CDK5RAP2: variants seen among roughly 807,000 people sequenced by gnomAD.
The protein encoded by CDK5RAP2 is CDK5 regulatory subunit associated protein 2.
In CDK5RAP2, 147 loss-of-function variants were observed where a neutral mutation model predicts 232.9. The observed-to-expected ratio is 0.63, with a 90% CI of 0.55 to 0.72. The LOEUF (loss-of-function observed/expected upper bound fraction) is 0.72, where lower values mean the gene tolerates loss of function less well. Ranked by LOEUF, CDK5RAP2 falls within the 30% of genes least tolerant of loss-of-function variation. The pLI, the probability that CDK5RAP2 is intolerant of heterozygous loss-of-function variation, is 0.00. For synonymous variants in CDK5RAP2, 833 were observed against 833.7 expected (o/e 1.00, Z 0.01); for missense variants, 2,195 against 2,231.5 (o/e 0.98, Z 0.33).
intron 11 of CDK5RAP2, among the ~76,000 whole-genome samples, chr9:120,524,699 G>A (rs2040822948): frequency 6.6e-6 from 1 of 151,932 alleles, no homozygotes; most frequent in African/African-American, 2.4e-5. Flanking sequence ...ACAGGCTGGT[G>A]AAGATTAAAT....
intron 14 of CDK5RAP2, among the ~76,000 whole-genome samples, chr9:120,483,658 T>C (rs1282531630): frequency 1.3e-5 from 2 of 152,222 alleles, no homozygotes; most frequent in East Asian, 3.8e-4. Context: ...AGGCATGTAA[T>C]TGCCCACTTC....
intron 3 of CDK5RAP2, among the ~76,000 whole-genome samples, chr9:120,562,141 T>A (rs987679342): frequency 1.3e-4 from 20 of 152,194 alleles, no homozygotes; most frequent in African/African-American, 4.8e-4. Context: ...AACACCTTCA[T>A]CAACAGAGCT....
chr9:120,470,542 G>A (rs544768959), intron 16 of CDK5RAP2, among the ~76,000 whole-genome samples: 1 of 152,244 alleles, frequency 6.6e-6, no homozygotes, highest in Admixed American at 6.5e-5. Context: ...AGAAAATGGT[G>A]ATTTCAGTTT....
intron 18 of CDK5RAP2, among the ~76,000 whole-genome samples, chr9:120,464,425 C>T (rs1311502434): frequency 2.0e-5 from 3 of 152,172 alleles, no homozygotes; most frequent in Admixed American, 6.5e-5. Flanking sequence ...GTTTTAACAT[C>T]AATGCCTGAC....
intron 8 of CDK5RAP2, among the ~76,000 whole-genome samples, chr9:120,529,432 T>C (rs1307480763): frequency 6.6e-6 from 1 of 152,152 alleles, no homozygotes; most frequent in Non-Finnish European, 1.5e-5. Flanking sequence ...CCTGGAAAAA[T>C]GTAACAATTC....
intron 32 of CDK5RAP2, among the ~76,000 whole-genome samples, chr9:120,405,485 TC>T (rs2033369574): frequency 6.6e-6 from 1 of 152,104 alleles, no homozygotes; most frequent in Admixed American, 6.5e-5. Context: ...AGAACTGTTC[TC>T]CCTGCTTCAA....
chr9:120,428,838 C>T (rs528537772), intron 25 of CDK5RAP2, among the ~76,000 whole-genome samples: 2 of 152,322 alleles, frequency 1.3e-5, no homozygotes, highest in South Asian at 2.1e-4. Context: ...CCTTGATGAA[C>T]ATTGATGCAA....
chr9:120,519,131 A>G (rs1053610333), intron 11 of CDK5RAP2, among the ~76,000 whole-genome samples: 11 of 151,526 alleles, frequency 7.3e-5, no homozygotes, highest in African/African-American at 2.4e-4. Flanking sequence ...CCGAGATCGT[A>G]CCACTGCACT....
intron 3 of CDK5RAP2, among the ~76,000 whole-genome samples, chr9:120,555,881 A>C (rs2042210054): frequency 6.6e-6 from 1 of 152,272 alleles, no homozygotes; most frequent in African/African-American, 2.4e-5. Flanking sequence ...TATGAAACAC[A>C]CAACGTAAAT....
intron 28 of CDK5RAP2, among the ~76,000 whole-genome samples, chr9:120,412,786 G>T (rs1350921965): frequency 6.6e-6 from 1 of 152,190 alleles, no homozygotes; most frequent in Non-Finnish European, 1.5e-5. Flanking sequence ...TACGGCATCA[G>T]TTCTCCAAGG....
chr9:120,556,058 C>CA (rs1310602457), intron 3 of CDK5RAP2, among the ~76,000 whole-genome samples: 12 of 150,670 alleles, frequency 8.0e-5, no homozygotes, highest in African/African-American at 7.3e-5. Flanking sequence ...CACAAAGAAG[C>CA]AAAAAAAAGG....
chr9:120,532,837 C>G (rs1345785149), intron 7 of CDK5RAP2, among the ~76,000 whole-genome samples: 1 of 152,214 alleles, frequency 6.6e-6, no homozygotes, highest in African/African-American at 2.4e-5. Context: ...TAGCAAAGCT[C>G]TGATCCGACA....
intron 34 of CDK5RAP2, among the ~76,000 whole-genome samples, chr9:120,401,632 A>AG (rs1216639380): frequency 2.1e-4 from 31 of 149,740 alleles, no homozygotes; most frequent in East Asian, 2.0e-3. Context: ...AAAAAAAAAA[A>AG]AGAGAGAAAA....
chr9:120,455,538 C>T (rs763357409), intron 20 of CDK5RAP2, among the ~76,000 whole-genome samples: 11 of 151,890 alleles, frequency 7.2e-5, no homozygotes, highest in Admixed American at 2.0e-4. Flanking sequence ...CTCACAAATT[C>T]GAGACCAGAC....
chr9:120,484,246 T>C (rs1170523635), intron 14 of CDK5RAP2, among the ~76,000 whole-genome samples: 1 of 152,120 alleles, frequency 6.6e-6, no homozygotes, highest in Non-Finnish European at 1.5e-5. Flanking sequence ...GCAGAATAAA[T>C]TCACATTTTC....
chr9:120,568,373 G>A lies in CDK5RAP2; in HGVS notation c.143C>T (p.Ser48Leu). The stretch of plus-strand genomic sequence containing the variant: ...TCTGGTGGGAGACACTGTTTCTTCT[G>A]ACACATTTGGGAGCACTGTAAAAAG... ...GLGNGLLPNVSEETVSPTRAR... is the reference protein window; with the variant it reads ...GLGNGLLPNVLEETVSPTRAR... The change falls in exon 3 of 38, where the codon TCA becomes TTA. Residue 48 changes from serine (S) to leucine (L), a missense_variant. Physicochemically the swap from Ser to Leu is moderately radical, Grantham distance 145. Transcript: ENST00000349780. 1 of 1,613,446 alleles carries A rather than the reference G, an allele frequency of 6.2e-7. No individual in the cohort carries two copies. The highest frequency in any genetic ancestry group is 1.3e-5 in the African/African-American group (1 of 75,012).
At chr9:120,480,067 G>GA (rs2131579470) in intron 14 of CDK5RAP2, among the ~76,000 whole-genome samples, 2 of 152,210 alleles carry the variant, frequency 1.3e-5, no homozygotes, top group South Asian at 2.1e-4. Context: ...TTCAAAATAA[G>GA]AAAAAATGTT....
chr9:120,500,885 G>C (rs899527574), intron 12 of CDK5RAP2, among the ~76,000 whole-genome samples: 3 of 152,146 alleles, frequency 2.0e-5, no homozygotes, highest in Non-Finnish European at 4.4e-5. Flanking sequence ...AATACAACCA[G>C]GGCCAGAAGA....
rs772591394 is a variant in CDK5RAP2, at chr9:120,529,986, C to T, written c.817G>A (p.Glu273Lys). 111 of 1,613,708 alleles carry T rather than the reference C, an allele frequency of 6.9e-5. No individual in the cohort carries two copies. Among genetic ancestry groups the T allele is most frequent in the Middle Eastern group, 3.3e-4 (2 of 6,074 alleles). Residue 273 changes from glutamate (E) to lysine (K), a missense_variant, in exon 8 of 38, where the codon GAA becomes AAA. Coordinates refer to ENST00000349780, the MANE Select transcript of CDK5RAP2 (RefSeq NM_018249.6). ...CAAPREEKER[E>K]TEAAQMEHQK... ...ATGTCCTGTCACCTCACCTCAGTTT[C>T]TCTCTCCTTTTCTTCCCTTGGAGCA...
Sources: allele counts gnomAD v4.1 joint callset (sites outside exome capture counted in the v4.1 genomes callset), GRCh38; gene constraint gnomAD v4.1.1; transcripts MANE v1.5; gene names NCBI Gene and HGNC (gene_info 2026-07-23, HGNC 2026-07-21).